CLTCL1: variants seen among roughly 807,000 people sequenced by gnomAD.
CLTCL1 encodes the protein clathrin heavy chain 2.
In CLTCL1, 159 loss-of-function variants were observed where a neutral mutation model predicts 190.0. That is an observed-to-expected ratio of 0.84 (90% CI 0.74 to 0.95). The LOEUF (loss-of-function observed/expected upper bound fraction) is 0.95, where lower values mean the gene tolerates loss of function less well. Among genes scored for constraint, CLTCL1 ranks in the 40% least tolerant of loss-of-function variants. The pLI is 0.00. For synonymous variants in CLTCL1, 752 were observed against 769.6 expected (o/e 0.98, Z 0.38); for missense variants, 1,878 against 2,033.4 (o/e 0.92, Z 1.47).
rs35325953 is a variant in CLTCL1 at position 19,214,682 on chromosome 22, C to CT, written c.3065+1428dup. On this transcript the variant is annotated intron_variant, in intron 19 of 32. Transcript: ENST00000427926. ...TATACTCTAAAAATAATATATTTTG[C>CT]TTTTTTTTTTTTTTTTGAGATGGAG... Among the ~76,000 whole-genome samples the CT allele has an allele frequency of 1.3e-3, 166 of 130,302 alleles. 1 individual carries two copies. The highest frequency in any genetic ancestry group is 1.8e-3 in the African/African-American group (66 of 35,972). The allele number at this position is 130,302 out of a possible 152,430, so 85.5% of individuals were successfully genotyped here. A position where few individuals can be genotyped will look rare whatever the true frequency, so the allele number is the denominator to read the frequency against.
In CLTCL1 at chr22:19,196,373, C is replaced by T. The variant is rs201311337; in HGVS notation, c.4084G>A (p.Val1362Met). Reference sequence around the variant, plus strand: ...TCCTCGTACTTGTCATAGAGGAACACCAGCTCAGCCCACAGGTGTGCCTGC... The same window carrying T: ...TCCTCGTACTTGTCATAGAGGAACATCAGCTCAGCCCACAGGTGTGCCTGC... The part of the protein sequence containing the change: ...AEQAHLWAEL[V>M]FLYDKYEEYD... The change falls in exon 26 of 33, where the codon GTG becomes ATG. Residue 1362 changes from valine (V) to methionine (M), a missense_variant. By Grantham distance (21) the Val-to-Met change is conservative. Transcript: ENST00000427926. 6.2e-6 allele frequency: 10 copies of T among 1,614,058 alleles called. No individual in the cohort carries two copies. In the East Asian group the frequency reaches 8.9e-5, roughly 14 times the overall value.
chr22:19,187,422 C>T (rs2084348620), intron 29 of CLTCL1, 136 bp downstream of exon 29: 2 of 806,758 alleles, frequency 2.5e-6, no homozygotes, highest in South Asian at 3.5e-5. Flanking sequence ...TACTAATCCC[C>T]CCACCCACCA....
chr22:19,279,564 A>G (rs974896062), intron 1 of CLTCL1, among the ~76,000 whole-genome samples: 1 of 152,238 alleles, frequency 6.6e-6, no homozygotes, highest in Non-Finnish European at 1.5e-5. Flanking sequence ...ATATGGGCTC[A>G]CTAAGAAGTC....
At chr22:19,254,306 A>G in intron 2 of CLTCL1, 79 bp from the exon 3 acceptor site, 6 of 1,216,046 alleles carry the variant, frequency 4.9e-6, no homozygotes, top group Non-Finnish European at 6.9e-6. Context: ...TTAATTCTGA[A>G]TTCTTTTAAT....
At chr22:19,213,838 T>G (rs2085305104) in intron 19 of CLTCL1, among the ~76,000 whole-genome samples, 1 of 152,176 alleles carries the variant, frequency 6.6e-6, no homozygotes, top group African/African-American at 2.4e-5. Context: ...GATGGAATTG[T>G]TTGTATCCCG....
Position 19,221,959 on chromosome 22 carries a change from T to C in CLTCL1, c.2553A>G (p.Lys851=). Residue 851 remains lysine (K), a synonymous_variant, in exon 16 of 33, where the codon AAA becomes AAG. Transcript: ENST00000427926. ...STDELVAEVE[K]RNRLKLLLPW... is the part of the protein sequence containing the mutation. ...AAGTAAGGACACCTTACCTATTTCT[T>C]TTTTCTACTTCAGCCACCAACTCAT... The C allele has an allele frequency of 1.9e-6, 3 of 1,613,882 alleles. No homozygotes were observed. Among genetic ancestry groups the C allele is most frequent in the Non-Finnish European group, 2.5e-6 (3 of 1,179,866 alleles).
At chr22:19,273,792 C>T (rs2087403759) in intron 2 of CLTCL1, among the ~76,000 whole-genome samples, 1 of 152,102 alleles carries the variant, frequency 6.6e-6, no homozygotes, top group Admixed American at 6.6e-5. Context: ...CCTTAGACTA[C>T]CCCCTAAATC....
chr22:19,193,558 G>C (rs1032597659), intron 26 of CLTCL1, among the ~76,000 whole-genome samples: 3 of 152,246 alleles, frequency 2.0e-5, no homozygotes, highest in African/African-American at 7.2e-5. Context: ...AGACATGGTA[G>C]TATCCCTGTT....
rs782273274 is a variant in CLTCL1, at chr22:19,234,628, G to A, written c.1048C>T (p.Arg350Cys). ...NVLQNPDLGL[R>C]LAVRSNLAGA... ...GCCAGGTTACTACGAACGGCCAAAC[G>A]CAGACCAAGGTCTGGATTCTGAAGC... Residue 350 changes from arginine to cysteine, a missense_variant, in exon 7 of 33, where the codon CGT becomes TGT. By Grantham distance (180) the Arg-to-Cys change is radical. Coordinates refer to ENST00000427926, the MANE Select transcript of CLTCL1 (RefSeq NM_007098.4). The A allele has an allele frequency of 1.4e-5, 23 of 1,613,866 alleles. No homozygotes were observed. Among genetic ancestry groups the A allele is most frequent in the East Asian group, 1.3e-4 (6 of 44,892 alleles).
At chr22:19,291,466 A>G in intron 1 of CLTCL1, 134 bp downstream of exon 1, 1 of 808,440 alleles carries the variant, frequency 1.2e-6, no homozygotes, top group Non-Finnish European at 1.7e-6. Flanking sequence ...GCCCCAGCCC[A>G]GGTGGGAGGT....
chr22:19,184,074 A>T (rs868938531), intron 29 of CLTCL1: 1 of 253,814 alleles, frequency 3.9e-6, no homozygotes, highest in Non-Finnish European at 7.8e-6. Flanking sequence ...TGCTATTTTC[A>T]TCCTTGCAAA....
intron 29 of CLTCL1, chr22:19,184,145 A>C: frequency 3.7e-6 from 1 of 267,848 alleles, no homozygotes; most frequent in Non-Finnish European, 7.4e-6. Flanking sequence ...AGTCCTGAAG[A>C]AGCCTGCACT....
chr22:19,261,876 G>A (rs140040972), intron 2 of CLTCL1, among the ~76,000 whole-genome samples: 2 of 152,326 alleles, frequency 1.3e-5, no homozygotes, highest in East Asian at 1.9e-4. Flanking sequence ...CAGCACCAGA[G>A]TCTGAAAGGA....
rs1555952423 is a variant in CLTCL1 at position 19,221,573 on chromosome 22, T to C, written c.2600A>G (p.Gln867Arg). The C allele has an allele frequency of 3.1e-6, 5 of 1,599,576 alleles. No homozygotes were observed. The highest frequency in any genetic ancestry group is 4.3e-6 in the Non-Finnish European group (5 of 1,172,896). ...LLLPWLESQI[Q>R]EGCEEPATHN... ...AGTGGCAGGCTCCTCACAGCCTTCC[T>C]GAATCTGGGACTCCAGCCAGGGAAG... Residue 867 changes from glutamine (Q) to arginine (R), a missense_variant, in exon 17 of 33, where the codon CAG becomes CGG. Gln to Arg is a conservative substitution (Grantham distance 43). Transcript: ENST00000427926.
intron 1 of CLTCL1, among the ~76,000 whole-genome samples, chr22:19,290,928 G>C (rs1196014999): frequency 2.0e-5 from 3 of 152,186 alleles, no homozygotes; most frequent in African/African-American, 7.2e-5. Context: ...ACCTCCCAGG[G>C]TAAACGTGGG....
In CLTCL1 at chr22:19,208,270, T is replaced by A. The variant is rs782655174; in HGVS notation, c.3484A>T (p.Lys1162Ter). The change falls in exon 22 of 33, where the codon AAA becomes TAA. Residue 1162 changes from lysine to a stop codon, truncating the protein, a stop_gained. Coordinates refer to ENST00000427926, the MANE Select transcript of CLTCL1 (RefSeq NM_007098.4). LOFTEE classifies it high-confidence loss of function. ...DLVKFLQMAR[K>*]KGRESYIETE... Reference sequence around the variant, plus strand: ...TCTATATAGGACTCACGGCCCTTTTTCCTGGCCATCTGCAGAAATTTAACT... The same window carrying A: ...TCTATATAGGACTCACGGCCCTTTTACCTGGCCATCTGCAGAAATTTAACT... 2 of 1,613,706 alleles carry A rather than the reference T, an allele frequency of 1.2e-6. No homozygotes were observed. Among genetic ancestry groups the A allele is most frequent in the South Asian group, 2.2e-5 (2 of 91,090 alleles).
intron 1 of CLTCL1, among the ~76,000 whole-genome samples, chr22:19,280,391 T>C (rs2087663680): frequency 6.6e-6 from 1 of 151,976 alleles, no homozygotes; most frequent in Admixed American, 6.6e-5. Context: ...GAATTATTAG[T>C]GTATATCAAT....
Position 19,201,499 on chromosome 22 carries a change from G to A in CLTCL1, c.3601-6C>T. On this transcript the variant is annotated splice_polypyrimidine_tract_variant and splice_region_variant and intron_variant, in intron 22 of 32. Transcript: ENST00000427926. The stretch of plus-strand genomic sequence containing the variant: ...TCGTAACAGCGGTCTCCAACCTACG[G>A]ATAATAGGGTAGCTCGACTGAGACA... The A allele has an allele frequency of 6.2e-7, 1 of 1,609,364 alleles. No individual in the cohort carries two copies. The highest frequency in any genetic ancestry group is 1.1e-5 in the South Asian group (1 of 90,938).
chr22:19,243,085 G>T (rs2086305711), intron 3 of CLTCL1, 149 bp from the exon 4 acceptor site: 1 of 723,432 alleles, frequency 1.4e-6, no homozygotes, highest in Non-Finnish European at 2.1e-6. Flanking sequence ...TTAAAGGCAT[G>T]ATATCACTCT....
Sources: allele counts gnomAD v4.1 joint callset (sites outside exome capture counted in the v4.1 genomes callset), GRCh38; gene constraint gnomAD v4.1.1; transcripts MANE v1.5; gene names NCBI Gene and HGNC (gene_info 2026-07-23, HGNC 2026-07-21).